The following SCFD1 variants were observed in gnomAD, a reference collection of about 807,000 sequenced individuals.
SCFD1 encodes the protein sec1 family domain containing 1.
SCFD1 carries 37 observed loss-of-function variants against 103.2 expected under a neutral mutation model. The observed-to-expected ratio is 0.36, with a 90% CI of 0.28 to 0.47. SCFD1 has a LOEUF of 0.47. Among genes scored for constraint, SCFD1 ranks in the 20% least tolerant of loss-of-function variants. The pLI, the probability that SCFD1 is intolerant of heterozygous loss-of-function variation, is 1.00. For synonymous variants in SCFD1, 264 were observed against 245.0 expected (o/e 1.08, Z -0.73); for missense variants, 639 against 761.2 (o/e 0.84, Z 1.89).
chr14:30,653,318 T>C (rs939546992), intron 9 of SCFD1, among the ~76,000 whole-genome samples, 171 bp from the exon 10 acceptor site: 4 of 152,168 alleles, frequency 2.6e-5, no homozygotes, highest in Non-Finnish European at 5.9e-5. Context: ...AGCAAAGTAT[T>C]GTGGTGCTTG....
In SCFD1 at chr14:30,734,873, T is replaced by A. The variant is rs1189501607; in HGVS notation, c.1905+15T>A. 2 of 1,591,026 alleles carry A rather than the reference T, an allele frequency of 1.3e-6. No individual in the cohort carries two copies. The highest frequency in any genetic ancestry group is 1.7e-6 in the Non-Finnish European group (2 of 1,159,386). On this transcript the variant is annotated intron_variant, in intron 24 of 24. Coordinates refer to ENST00000458591, the MANE Select transcript of SCFD1 (RefSeq NM_016106.4). ...TCATAAAACAGGTAAAGTATACATTTGTTGTTTGTTTCTGTTAACATACCC... is the reference window on the plus strand; with the variant it reads ...TCATAAAACAGGTAAAGTATACATTAGTTGTTTGTTTCTGTTAACATACCC...
At chr14:30,675,911 G>A (rs1385094160) in intron 14 of SCFD1, among the ~76,000 whole-genome samples, 1 of 152,182 alleles carries the variant, frequency 6.6e-6, no homozygotes, top group African/African-American at 2.4e-5. Flanking sequence ...GTTTAAACCT[G>A]CATAATTACT....
At position 30,715,956 on chromosome 14, in the gene SCFD1, T is replaced by C. The variant is rs1892251571; in HGVS notation, c.1662T>C (p.Leu554=). ...CTGTTACTCGTATTTTGGACAATCT[T>C]ATGGAGATGAAGTCAAACCCCGTGA... ...NLPVTRILDN[L]MEMKSNPETD... Residue 554 remains leucine (L), a synonymous_variant, in exon 20 of 25, where the codon CTT becomes CTC. Transcript: ENST00000458591. 1 of 1,568,382 alleles carries C rather than the reference T, an allele frequency of 6.4e-7. No individual in the cohort carries two copies. The highest frequency in any genetic ancestry group is 8.7e-7 in the Non-Finnish European group (1 of 1,149,612).
intron 17 of SCFD1, among the ~76,000 whole-genome samples, chr14:30,703,362 G>C (rs551684703): frequency 6.7e-6 from 1 of 149,236 alleles, no homozygotes; most frequent in Non-Finnish European, 1.5e-5. Flanking sequence ...TTACAGTTAT[G>C]ATCCCTGTTT....
At position 30,643,328 on chromosome 14, in the gene SCFD1, C is replaced by T; in HGVS notation, c.536C>T (p.Pro179Leu). The T allele has an allele frequency of 6.2e-7, 1 of 1,611,384 alleles. No homozygotes were observed. Among genetic ancestry groups the T allele is most frequent in the Non-Finnish European group, 8.5e-7 (1 of 1,177,684 alleles). Residue 179 changes from proline to leucine, a missense_variant, in exon 7 of 25, where the codon CCA becomes CTA. Pro to Leu is a moderately conservative substitution (Grantham distance 98, BLOSUM62 -3). Coordinates refer to ENST00000458591, the MANE Select transcript of SCFD1 (RefSeq NM_016106.4). ...TATGTCATTTTAGCCATTAACAGGC[C>T]AGATATCACAGACACGGAAATGGAA... ...ELVSYRAINR[P>L]DITDTEMETV... is the part of the protein sequence containing the mutation.
chr14:30,670,476 A>G, intron 11 of SCFD1, 81 bp downstream of exon 11: 1 of 1,050,278 alleles, frequency 9.5e-7, no homozygotes, highest in Non-Finnish European at 1.3e-6. Flanking sequence ...AATTTGAGAA[A>G]AAAAAGGGTC....
At chr14:30,670,452 C>A in intron 11 of SCFD1, 57 bp downstream of exon 11, 1 of 1,263,236 alleles carries the variant, frequency 7.9e-7, no homozygotes, top group African/African-American at 1.6e-5. Context: ...ATTAAGGTGT[C>A]ATCCACCTTA....
At chr14:30,671,060 T>C (rs1888493354) in intron 11 of SCFD1, among the ~76,000 whole-genome samples, 1 of 152,174 alleles carries the variant, frequency 6.6e-6, no homozygotes, top group Non-Finnish European at 1.5e-5. Flanking sequence ...TCAACAATTA[T>C]GAAAATATGA....
At chr14:30,735,103 T>G in intron 24 of SCFD1, 2 of 400,710 alleles carry the variant, frequency 5.0e-6, no homozygotes, top group Non-Finnish European at 8.9e-6. Context: ...AATGATCCTT[T>G]AGAAATACAA....
chr14:30,734,948 A>C (rs1041243900), intron 24 of SCFD1, 90 bp downstream of exon 24: 164 of 1,049,756 alleles, frequency 1.6e-4, no homozygotes, highest in East Asian at 1.3e-4. Context: ...CCACTTACTC[A>C]CCTGAACCAG....
At chr14:30,665,673 G>C (rs1335686133) in intron 10 of SCFD1, among the ~76,000 whole-genome samples, 6 of 152,130 alleles carry the variant, frequency 3.9e-5, no homozygotes, top group Admixed American at 2.0e-4. Flanking sequence ...ACACACAAAG[G>C]CTCAAAATAA....
chr14:30,656,525 C>T (rs900016832), intron 10 of SCFD1, among the ~76,000 whole-genome samples: 6 of 152,124 alleles, frequency 3.9e-5, no homozygotes, highest in Non-Finnish European at 5.9e-5. Context: ...GTGGAACTCC[C>T]TCAGTTGTGA....
chr14:30,683,214 C>A, intron 14 of SCFD1: 1 of 1,140,998 alleles, frequency 8.8e-7, no homozygotes, highest in South Asian at 1.4e-5. Context: ...GCAGAATGGT[C>A]CTGATGTCAT....
chr14:30,670,364 G>A lies in SCFD1; in HGVS notation c.964G>A (p.Val322Ile), dbSNP rs1218365467. Residue 322 changes from valine (V) to isoleucine (I), a missense_variant, in exon 11 of 25, where the codon GTT becomes ATT. Coordinates refer to ENST00000458591, the MANE Select transcript of SCFD1 (RefSeq NM_016106.4). The stretch of plus-strand genomic sequence containing the variant: ...CAAGAAGTCTTATGATTTAACTCCG[G>A]TTGATAAATTTTGGCAAAAACATAA... ...KNKKSYDLTP[V>I]DKFWQKHKGS... 1.9e-6 allele frequency: 3 copies of A among 1,571,200 alleles called. No homozygotes were observed. The highest frequency in any genetic ancestry group is 2.6e-6 in the Non-Finnish European group (3 of 1,164,614).
chr14:30,627,206 C>T (rs1038107067), intron 1 of SCFD1, among the ~76,000 whole-genome samples: 18 of 152,048 alleles, frequency 1.2e-4, no homozygotes, highest in South Asian at 6.2e-4. Context: ...ATAAATAACA[C>T]AAAATACTGT....
chr14:30,673,065 AT>A (rs1566619797), intron 11 of SCFD1, among the ~76,000 whole-genome samples, 191 bp from the exon 12 acceptor site: 1 of 152,162 alleles, frequency 6.6e-6, no homozygotes, highest in East Asian at 1.9e-4. Flanking sequence ...AAGAAATAGT[AT>A]TATATAGATA....
intron 19 of SCFD1, among the ~76,000 whole-genome samples, chr14:30,708,684 A>G (rs1329700598): frequency 7.9e-6 from 1 of 126,396 alleles, no homozygotes; most frequent in Non-Finnish European, 1.6e-5. Context: ...TTAACATATA[A>G]TCAGAGAATA....
At position 30,683,371 on chromosome 14, in the gene SCFD1, A is replaced by G. The variant is rs147315976; in HGVS notation, c.1242+8306A>G. 2.2e-4 allele frequency: 120 copies of G among 553,504 alleles called. No homozygotes were observed. In the East Asian group the frequency reaches 3.4e-3, roughly 16 times the overall value. 34.3% of individuals were successfully genotyped at this position (553,504 alleles called of 1,614,324 possible). A position where few individuals can be genotyped will look rare whatever the true frequency, so the allele number is the denominator to read the frequency against. ...AACTCTAGTGAGAGCTTATGCTTAT[A>G]CCTCAGGTCTTCATATATTGTGGCA... On this transcript the variant is annotated intron_variant, in intron 14 of 24. Coordinates refer to ENST00000458591, the MANE Select transcript of SCFD1 (RefSeq NM_016106.4).
intron 14 of SCFD1, among the ~76,000 whole-genome samples, chr14:30,680,053 A>G (rs926836802): frequency 6.6e-6 from 1 of 152,180 alleles, no homozygotes; most frequent in Non-Finnish European, 1.5e-5. Context: ...TGAGTGGAAT[A>G]TCCTTCAACT....
Sources: allele counts gnomAD v4.1 joint callset (sites outside exome capture counted in the v4.1 genomes callset), GRCh38; gene constraint gnomAD v4.1.1; transcripts MANE v1.5; gene names NCBI Gene and HGNC (gene_info 2026-07-23, HGNC 2026-07-21).